DSC2: variants seen among roughly 807,000 people sequenced by gnomAD.
DSC2 encodes desmocollin 2, also known as desmocollin-2.
A neutral mutation model predicts 87.6 loss-of-function variants in DSC2; 51 were observed. The ratio of observed to expected loss-of-function variants is 0.58; its 90% CI spans 0.46 to 0.74. The LOEUF is 0.74. DSC2 is among the 30% of genes least tolerant of loss of function. The pLI is 0.00. For synonymous variants in DSC2, 383 were observed against 393.2 expected, an observed-to-expected ratio of 0.97 and a Z score of 0.31; for missense variants, 1,066 against 1,089.5, an observed-to-expected ratio of 0.98 and a Z score of 0.30.
At chr18:31,089,933 T>G (rs1325669507) in intron 4 of DSC2, among the ~76,000 whole-genome samples, 1 of 152,188 alleles carries the variant, frequency 6.6e-6, no homozygotes, top group Non-Finnish European at 1.5e-5. Flanking sequence ...GTCGTCAATG[T>G]TTTAAAAAAC....
intron 11 of DSC2, among the ~76,000 whole-genome samples, chr18:31,077,117 G>A (rs1313668154): frequency 6.6e-6 from 1 of 152,112 alleles, no homozygotes; most frequent in Non-Finnish European, 1.5e-5. Flanking sequence ...AAAGAGCTAG[G>A]AGAGAAAACA....
At position 31,071,623 on chromosome 18, in the gene DSC2, C is replaced by A; in HGVS notation, c.2107G>T (p.Gly703Cys). The A allele has an allele frequency of 6.2e-7, 1 of 1,613,842 alleles. No individual in the cohort carries two copies. Residue 703 changes from glycine (G) to cysteine (C), a missense_variant, in exon 13 of 16, where the codon GGC becomes TGC. Physicochemically the swap from Gly to Cys is radical, Grantham distance 159. Transcript: ENST00000280904. ...GACTTACAAAAGAGCAATGCTATGC[C>A]CAACAATATTGCAAGGATGGCCCAC... ...GKWAILAILL[G>C]IALLFCILFT...
intron 1 of DSC2, among the ~76,000 whole-genome samples, chr18:31,097,637 A>C (rs577998773): frequency 2.0e-5 from 3 of 151,982 alleles, no homozygotes; most frequent in Middle Eastern, 3.4e-3. Context: ...GATATTACAA[A>C]TCATATAAAA....
chr18:31,077,252 C>T (rs1294147477), intron 11 of DSC2, among the ~76,000 whole-genome samples: 1 of 152,156 alleles, frequency 6.6e-6, no homozygotes, highest in Non-Finnish European at 1.5e-5. Context: ...TGTTTCTATT[C>T]ATTAGAGCAG....
rs1987248858 is a variant in DSC2 at position 31,082,319 on chromosome 18, G to A, written c.1182C>T (p.Thr394=). The part of the protein sequence containing the change: ...VNTANWRANY[T]ILKGNENGNF... Reference sequence around the variant, plus strand: ...TGCCATTTTCATTGCCCTTTAAAATGGTATAATTAGCTCTCCAGTTAGCAG... The same window carrying A: ...TGCCATTTTCATTGCCCTTTAAAATAGTATAATTAGCTCTCCAGTTAGCAG... Residue 394 remains threonine (T), a synonymous_variant, in exon 9 of 16, where the codon ACC becomes ACT. Transcript: ENST00000280904. 7 of 1,613,760 alleles carry A rather than the reference G, an allele frequency of 4.3e-6. No homozygotes were observed. The highest frequency in any genetic ancestry group is 5.9e-6 in the Non-Finnish European group (7 of 1,179,904).
Position 31,074,909 on chromosome 18 carries a change from T to G in DSC2, c.1664-2A>C. On this transcript the variant is annotated splice_acceptor_variant, in intron 11 of 15. Transcript: ENST00000280904. LOFTEE classifies it high-confidence loss of function. Reference sequence around the variant, plus strand: ...GTGTCCCCGTACATGTTCTCCCTCCTAGAAAAATGAAAATAAAAATAGTTT... The same window carrying G: ...GTGTCCCCGTACATGTTCTCCCTCCGAGAAAAATGAAAATAAAAATAGTTT... 6.2e-7 allele frequency: 1 copy of G among 1,611,604 alleles called. No homozygotes were observed. The highest frequency in any genetic ancestry group is 1.1e-5 in the South Asian group (1 of 90,750).
Position 31,067,819 on chromosome 18 carries a change from A to T in DSC2, c.*196T>A. ...TGGATAGAAGATAAGTAATTTAAAA[A>T]TATGTAAAAATTGAAAAATTTGTGT... On this transcript the variant is annotated 3_prime_UTR_variant, in exon 16 of 16. Coordinates refer to ENST00000280904, the MANE Select transcript of DSC2 (RefSeq NM_024422.6). The T allele has an allele frequency of 5.2e-6, 3 of 580,368 alleles. No individual in the cohort carries two copies. The highest frequency in any genetic ancestry group is 9.1e-6 in the Non-Finnish European group (3 of 330,264). 36.0% of individuals were successfully genotyped at this position (580,368 alleles called of 1,614,324 possible). A position where few individuals can be genotyped will look rare whatever the true frequency, so the allele number is the denominator to read the frequency against.
chr18:31,070,031 C>A (rs979687816), intron 14 of DSC2, among the ~76,000 whole-genome samples: 81 of 152,078 alleles, frequency 5.3e-4, no homozygotes, highest in African/African-American at 1.8e-3. Flanking sequence ...ACAAGAACAC[C>A]AAAGCTTTGG....
At chr18:31,090,328 G>C (rs1486165087) in intron 4 of DSC2, among the ~76,000 whole-genome samples, 1 of 152,192 alleles carries the variant, frequency 6.6e-6, no homozygotes, top group Admixed American at 6.5e-5. Context: ...GTCAAGAACT[G>C]AGGGAAAATA....
Position 31,102,194 on chromosome 18 carries a change from T to C in DSC2, c.-223A>G, listed in dbSNP as rs1987991305. ...GGCGGAGGGAGGGGCTCCAGACGCG[T>C]CCAAAAGACACCGATCGGCCCCTCC... On this transcript the variant is annotated 5_prime_UTR_variant, in exon 1 of 16. Transcript: ENST00000280904. The C allele has an allele frequency of 2.2e-6, 1 of 455,360 alleles. No individual in the cohort carries two copies. Among genetic ancestry groups the C allele is most frequent in the East Asian group, 3.6e-5 (1 of 27,930 alleles). The allele number at this position is 455,360 out of a possible 1,614,324, so 28.2% of individuals were successfully genotyped here.
chr18:31,090,170 AG>A (rs1987545513), intron 4 of DSC2, among the ~76,000 whole-genome samples: 1 of 152,204 alleles, frequency 6.6e-6, no homozygotes, highest in Non-Finnish European at 1.5e-5. Flanking sequence ...ATTTCCTCCA[AG>A]CTGTGTTCAT....
intron 15 of DSC2, 89 bp from the exon 16 acceptor site, chr18:31,068,301 T>G: frequency 6.2e-7 from 1 of 1,613,632 alleles, no homozygotes; most frequent in Non-Finnish European, 8.5e-7. Context: ...TGATTTACCT[T>G]TCATTGTTTA....
chr18:31,089,289 T>C, intron 5 of DSC2, 150 bp downstream of exon 5: 1 of 731,876 alleles, frequency 1.4e-6, no homozygotes, highest in African/African-American at 1.8e-5. Flanking sequence ...GAAAATATTT[T>C]TTGTTTCAAG....
At chr18:31,083,192 T>C (rs1364508705) in intron 7 of DSC2, 132 bp from the exon 8 acceptor site, 5 of 1,038,722 alleles carry the variant, frequency 4.8e-6, no homozygotes, top group Non-Finnish European at 6.9e-6. Flanking sequence ...AGCATTCGTG[T>C]ATTAGAAGAA....
chr18:31,086,595 G>C lies in DSC2; in HGVS notation c.923C>G (p.Ser308Ter), dbSNP rs1987403837. Reference sequence around the variant, plus strand: ...TGTTACCTCTCTGTCTAGCTGAGATGATGTTGTGGTGATCACGCCTGTAGT... The same window carrying C: ...TGTTACCTCTCTGTCTAGCTGAGATCATGTTGTGGTGATCACGCCTGTAGT... ...HPTTGVITTT[S>*]SQLDRELIDK... The change falls in exon 7 of 16, where the codon TCA (serine) becomes TGA (stop). Residue 308 changes from serine (S) to a stop codon, truncating the protein, a stop_gained. Transcript: ENST00000280904. LOFTEE classifies it high-confidence loss of function. 6.2e-7 allele frequency: 1 copy of C among 1,614,020 alleles called. No individual in the cohort carries two copies. The highest frequency in any genetic ancestry group is 1.7e-5 in the Admixed American group (1 of 60,000).
At position 31,066,669 on chromosome 18, in the gene DSC2, A is replaced by T. The variant is rs1029495207; in HGVS notation, c.*1346T>A. ...AAATAAGTCATGAAACATGGACTGGAATTTTGTGAGCTATTAAGTTTCATT... is the reference window on the plus strand; with the variant it reads ...AAATAAGTCATGAAACATGGACTGGTATTTTGTGAGCTATTAAGTTTCATT... On this transcript the variant is annotated 3_prime_UTR_variant, in exon 16 of 16. Coordinates refer to ENST00000280904, the MANE Select transcript of DSC2 (RefSeq NM_024422.6). 3.3e-5 allele frequency: 5 copies of T among 152,154 alleles called. No homozygotes were observed. The highest frequency in any genetic ancestry group is 3.3e-4 in the Admixed American group (5 of 15,274). 9.4% of individuals were successfully genotyped at this position (152,154 alleles called of 1,614,324 possible).
chr18:31,094,590 A>G (rs923592258), intron 1 of DSC2, among the ~76,000 whole-genome samples: 2 of 152,214 alleles, frequency 1.3e-5, no homozygotes, highest in East Asian at 3.8e-4. Flanking sequence ...AACATCTTTG[A>G]CCAAAAGCAA....
chr18:31,068,716 GTAAA>G (rs1986715039), intron 15 of DSC2, among the ~76,000 whole-genome samples, 174 bp downstream of exon 15: 2 of 152,142 alleles, frequency 1.3e-5, no homozygotes, highest in Non-Finnish European at 2.9e-5. Flanking sequence ...AGGAGGGGAA[GTAAA>G]TAACCACTTA....
In DSC2 at chr18:31,077,864, C is replaced by T. The variant is rs115390203; in HGVS notation, c.1663+1983G>A. On this transcript the variant is annotated intron_variant, in intron 11 of 15. Coordinates refer to ENST00000280904, the MANE Select transcript of DSC2 (RefSeq NM_024422.6). ...ATACAATAGAAACATTAATCTCAAG[C>T]TCAACTAGATAGAGGTGATTTCTGG... 2.3e-3 allele frequency among the ~76,000 whole-genome samples: 346 copies of T among 152,252 alleles called. 1 individual carries two copies. Among genetic ancestry groups the T allele is most frequent in the African/African-American group, 7.8e-3 (326 of 41,542 alleles).
Sources: gnomAD v4.1 joint callset for allele counts (sites outside exome capture counted in the v4.1 genomes callset) on GRCh38, gnomAD v4.1.1 for gene constraint, MANE v1.5 for transcripts, NCBI Gene and HGNC (gene_info 2026-07-23, HGNC 2026-07-21) for gene names.